TUBGCP6: variants seen among roughly 807,000 people sequenced by gnomAD.
The protein encoded by TUBGCP6 is gamma-tubulin complex component 6.
In TUBGCP6, 161 loss-of-function variants were observed where a neutral mutation model predicts 175.8. That is an observed-to-expected ratio of 0.92 (90% confidence interval 0.81 to 1.04). The LOEUF is 1.04. Among genes scored for constraint, TUBGCP6 ranks in the 50% least tolerant of loss-of-function variants. TUBGCP6 has a pLI of 0.00. For synonymous variants in TUBGCP6, 1,173 were observed against 1,030.5 expected (o/e 1.14, Z -2.65); for missense variants, 2,572 against 2,433.0 (o/e 1.06, Z -1.20).
At position 50,227,039 on chromosome 22, in the gene TUBGCP6, G is replaced by A. The variant is rs147922469; in HGVS notation, c.1451C>T (p.Pro484Leu). The A allele has an allele frequency of 2.4e-5, 38 of 1,612,388 alleles. No homozygotes were observed. Among genetic ancestry groups the A allele is most frequent in the African/African-American group, 2.3e-4 (17 of 74,898 alleles). ...AELCGVGAVL[P>L]GTCGGGPRAA... Reference sequence around the variant, plus strand: ...CCTGGGGCCTCCTCCACAGGTGCCCGGGAGCACAGCGCCAACGCCACAGAG... The same window carrying A: ...CCTGGGGCCTCCTCCACAGGTGCCCAGGAGCACAGCGCCAACGCCACAGAG... Residue 484 changes from proline to leucine, a missense_variant, in exon 6 of 25, where the codon CCG (proline) becomes CTG (leucine). Coordinates refer to ENST00000248846, the MANE Select transcript of TUBGCP6 (RefSeq NM_020461.4).
At chr22:50,231,631 G>T (rs1031811106) in intron 3 of TUBGCP6, among the ~76,000 whole-genome samples, 10 of 151,816 alleles carry the variant, frequency 6.6e-5, no homozygotes, top group Non-Finnish European at 1.0e-4. Context: ...AGGCCGAGAC[G>T]GGCGGATCAC....
chr22:50,242,278 C>T (rs982130639), intron 1 of TUBGCP6, among the ~76,000 whole-genome samples: 5 of 150,782 alleles, frequency 3.3e-5, no homozygotes, highest in African/African-American at 9.8e-5. Flanking sequence ...GGCGACAGAG[C>T]GAGACTGTGT....
chr22:50,219,509 C>T, intron 18 of TUBGCP6, 53 bp from the exon 19 acceptor site: 1 of 1,592,532 alleles, frequency 6.3e-7, no homozygotes. Context: ...CAGGGCTCCG[C>T]CCCCATCCAC....
At chr22:50,240,493 C>T in intron 1 of TUBGCP6, 126 bp from the exon 2 acceptor site, 1 of 1,121,928 alleles carries the variant, frequency 8.9e-7, no homozygotes, top group Non-Finnish European at 1.3e-6. Context: ...TTCTCAAGCG[C>T]ATGTGTACCA....
intron 10 of TUBGCP6, 24 bp from the exon 11 acceptor site, chr22:50,224,616 A>G (rs2064578877): frequency 4.3e-6 from 7 of 1,612,064 alleles, no homozygotes; most frequent in South Asian, 1.1e-5. Context: ...CTGGTAATCA[A>G]AGCATCCTGG....
rs1432166687 is a variant in TUBGCP6 at position 50,221,732 on chromosome 22, G to C, written c.2627C>G (p.Ala876Gly). The C allele has an allele frequency of 6.6e-7, 1 of 1,516,208 alleles. No individual in the cohort carries two copies. The highest frequency in any genetic ancestry group is 8.8e-7 in the Non-Finnish European group (1 of 1,133,502). The allele number at this position is 1,516,208 out of a possible 1,614,324, so 93.9% of individuals were successfully genotyped here. Residue 876 changes from alanine to glycine, a missense_variant, in exon 16 of 25, where the codon GCT (alanine) becomes GGT (glycine). By Grantham distance (60) the Ala-to-Gly change is moderately conservative (BLOSUM62 0). Coordinates refer to ENST00000248846, the MANE Select transcript of TUBGCP6 (RefSeq NM_020461.4). ...PQPLKPLAVG[A>G]GGRGLQQAEG... is the part of the protein sequence containing the mutation. ...CGCCTGCTGCAGCCCCCTGCCACCA[G>C]CCCCCACTGCTAGAGGCTTAAGGGG...
At chr22:50,243,697 G>A (rs753868056) in intron 1 of TUBGCP6, 22 bp downstream of exon 1, 1 of 1,575,300 alleles carries the variant, frequency 6.3e-7, no homozygotes, top group Non-Finnish European at 8.6e-7. Flanking sequence ...AGAGATGAAA[G>A]AGGAAAAACT....
intron 1 of TUBGCP6, among the ~76,000 whole-genome samples, chr22:50,243,284 C>T (rs1265216343): frequency 6.6e-6 from 1 of 152,184 alleles, no homozygotes; most frequent in Admixed American, 6.5e-5. Context: ...CCCATCTCTA[C>T]TAAAAATACA....
intron 6 of TUBGCP6, 54 bp downstream of exon 6, chr22:50,226,945 C>T: frequency 6.3e-7 from 1 of 1,583,782 alleles, no homozygotes; most frequent in South Asian, 1.1e-5. Flanking sequence ...CTCAGCCACC[C>T]CCGTTTCCTG....
At chr22:50,243,686 G>C (rs117736652) in intron 1 of TUBGCP6, 33 bp downstream of exon 1, 57 of 1,560,218 alleles carry the variant, frequency 3.7e-5, no homozygotes, top group Non-Finnish European at 4.5e-5. Context: ...CAAACCCCGA[G>C]AGAGATGAAA....
At chr22:50,225,553 T>C (rs773865482) in intron 10 of TUBGCP6, among the ~76,000 whole-genome samples, 30 of 143,718 alleles carry the variant, frequency 2.1e-4, no homozygotes, top group Non-Finnish European at 3.6e-4. Context: ...CTGCCTGGCA[T>C]CTGGCTCCGG....
intron 2 of TUBGCP6, among the ~76,000 whole-genome samples, chr22:50,239,600 G>A (rs896085648): frequency 1.3e-5 from 2 of 152,216 alleles, no homozygotes; most frequent in Non-Finnish European, 2.9e-5. Flanking sequence ...AGTGGCTACC[G>A]CATCCAGAGA....
chr22:50,236,658 G>C (rs1224844510), intron 2 of TUBGCP6, among the ~76,000 whole-genome samples: 1 of 152,192 alleles, frequency 6.6e-6, no homozygotes, highest in African/African-American at 2.4e-5. Flanking sequence ...TGGGCTGGAG[G>C]GGGCAGGAGG....
chr22:50,232,298 A>G (rs1011425770), intron 3 of TUBGCP6, among the ~76,000 whole-genome samples: 30 of 151,352 alleles, frequency 2.0e-4, no homozygotes, highest in Non-Finnish European at 2.1e-4. Context: ...CCCGGGAGGC[A>G]GAGTTTGCAG....
intron 10 of TUBGCP6, among the ~76,000 whole-genome samples, 181 bp downstream of exon 10, chr22:50,225,613 G>GGCACCCACCCTTCATCTCAACTCCCCC (rs2064594790): frequency 4.7e-5 from 3 of 64,050 alleles, no homozygotes; most frequent in East Asian, 4.6e-4. Flanking sequence ...TCAACTCCCC[G>GGCACCCACCCTTCATCTCAACTCCCCC]TTGACACCCA....
At chr22:50,237,311 T>C (rs773946211) in intron 2 of TUBGCP6, among the ~76,000 whole-genome samples, 1 of 152,126 alleles carries the variant, frequency 6.6e-6, no homozygotes, top group African/African-American at 2.4e-5. Context: ...TAGGCGGCAG[T>C]TTCTTTAGCC....
At chr22:50,231,814 C>G (rs185382386) in intron 3 of TUBGCP6, among the ~76,000 whole-genome samples, 4 of 147,486 alleles carry the variant, frequency 2.7e-5, no homozygotes, top group East Asian at 2.1e-4. Context: ...GAGCCGAGAT[C>G]GCGCCACTGC....
Position 50,243,906 on chromosome 22 carries a change from G to C in TUBGCP6, c.554C>G (p.Ala185Gly), listed in dbSNP as rs1184743226. 2 of 1,613,990 alleles carry C rather than the reference G, an allele frequency of 1.2e-6. No individual in the cohort carries two copies. Among genetic ancestry groups the C allele is most frequent in the Non-Finnish European group, 1.7e-6 (2 of 1,180,026 alleles). The change falls in exon 1 of 25, where the codon GCT becomes GGT. Residue 185 changes from alanine to glycine, a missense_variant. By Grantham distance (60) the Ala-to-Gly change is moderately conservative (BLOSUM62 0). Coordinates refer to ENST00000248846, the MANE Select transcript of TUBGCP6 (RefSeq NM_020461.4). ...GACGGTGGGCAGGCCAGTGCCTGGA[G>C]CAGCCTCCATAACCTGAAGTGTTTC... ...IQETLQVMEA[A>G]PGTGLPTVGL...
At chr22:50,242,856 A>T (rs938675135) in intron 1 of TUBGCP6, among the ~76,000 whole-genome samples, 1 of 152,228 alleles carries the variant, frequency 6.6e-6, no homozygotes, top group Non-Finnish European at 1.5e-5. Flanking sequence ...AGGTGGCTTA[A>T]CGATATACCC....
Sources: gnomAD v4.1 joint callset for allele counts (sites outside exome capture counted in the v4.1 genomes callset) on GRCh38, gnomAD v4.1.1 for gene constraint, MANE v1.5 for transcripts, NCBI Gene and HGNC (gene_info 2026-07-23, HGNC 2026-07-21) for gene names.